The following BTAF1 variants were observed in gnomAD, a reference collection of about 807,000 sequenced individuals.
BTAF1 encodes the protein B-TFIID TATA-box binding protein associated factor 1.
BTAF1 carries 38 observed loss-of-function variants against 227.1 expected under a neutral mutation model. That is an observed-to-expected ratio of 0.17 (90% CI 0.13 to 0.22). The LOEUF is 0.22. BTAF1 is among the 10% of genes least tolerant of loss of function. BTAF1 has a pLI of 1.00. For missense variants in BTAF1, 1,598 were observed against 2,204.0 expected, an observed-to-expected ratio of 0.73 and a Z score of 5.51; for synonymous variants, 742 against 751.9, an observed-to-expected ratio of 0.99 and a Z score of 0.21.
chr10:91,991,598 A>T (rs1257763171), intron 20 of BTAF1, among the ~76,000 whole-genome samples: 3 of 151,000 alleles, frequency 2.0e-5, no homozygotes, highest in Non-Finnish European at 4.4e-5. Context: ...AAAAAATATA[A>T]AATTAGCTGG....
At chr10:91,971,809 C>A (rs1410720839) in intron 14 of BTAF1, among the ~76,000 whole-genome samples, 2 of 149,558 alleles carry the variant, frequency 1.3e-5, no homozygotes, top group Admixed American at 6.8e-5. Flanking sequence ...CTTAATACTA[C>A]CACCTATTTC....
intron 1 of BTAF1, among the ~76,000 whole-genome samples, chr10:91,927,765 T>C (rs1014816750): frequency 6.6e-6 from 1 of 152,226 alleles, no homozygotes; most frequent in Non-Finnish European, 1.5e-5. Context: ...TGAAAGCCTG[T>C]AACATATACT....
Position 92,016,400 on chromosome 10 carries a change from T to C in BTAF1, c.4645T>C (p.Ser1549Pro). 8.7e-6 allele frequency: 14 copies of C among 1,601,720 alleles called. No homozygotes were observed. Among genetic ancestry groups the C allele is most frequent in the Non-Finnish European group, 1.1e-5 (13 of 1,174,868 alleles). Residue 1549 changes from serine (S) to proline (P), a missense_variant, in exon 33 of 38, where the codon TCT becomes CCT. Physicochemically the swap from Ser to Pro is moderately conservative, Grantham distance 74. This residue lies in a region of BTAF1 where 205 missense variants were observed against 244.5 expected (regional missense o/e 0.84). Transcript: ENST00000265990. ...RAKCDVDETV[S>P]SATLSEETEK... is the part of the protein sequence containing the mutation. Reference sequence around the variant, plus strand: ...CAAGTGTGATGTTGATGAAACAGTTTCTTCAGCTACACTTTCTGAAGAAAC... The same window carrying C: ...CAAGTGTGATGTTGATGAAACAGTTCCTTCAGCTACACTTTCTGAAGAAAC...
chr10:92,005,430 A>G (rs1418789), intron 25 of BTAF1, among the ~76,000 whole-genome samples: 145,878 of 152,242 alleles, frequency 0.96, 70,234 homozygotes, highest in East Asian at 1. Flanking sequence ...AACAATATTA[A>G]TTCTTCCAGT....
intron 37 of BTAF1, 66 bp from the exon 38 acceptor site, chr10:92,028,724 G>T: frequency 6.9e-7 from 1 of 1,453,524 alleles, no homozygotes; most frequent in Admixed American, 2.5e-5. Flanking sequence ...TGATTTTAAA[G>T]GAAAATACAA....
At chr10:91,934,570 G>T (rs1844480282) in intron 1 of BTAF1, among the ~76,000 whole-genome samples, 1 of 152,084 alleles carries the variant, frequency 6.6e-6, no homozygotes, top group African/African-American at 2.4e-5. Flanking sequence ...TCACACTGCT[G>T]CCAGATTAAT....
Position 92,029,798 on chromosome 10 carries a change from C to T in BTAF1, c.*865C>T, listed in dbSNP as rs1173384075. ...GACTGTTTATTGTAGTAATGCATGG[C>T]TGAAGCATAAAAGGGAGAGAGAATT... is the stretch of plus-strand genomic sequence containing the variant. On this transcript the variant is annotated 3_prime_UTR_variant, in exon 38 of 38. Transcript: ENST00000265990. 6.6e-6 allele frequency: 1 copy of T among 152,268 alleles called. No individual in the cohort carries two copies. The highest frequency in any genetic ancestry group is 1.5e-5 in the Non-Finnish European group (1 of 67,912). 9.4% of individuals were successfully genotyped at this position (152,268 alleles called of 1,614,324 possible). A position where few individuals can be genotyped will look rare whatever the true frequency, so the allele number is the denominator to read the frequency against.
chr10:91,927,618 A>G (rs935963488), intron 1 of BTAF1, among the ~76,000 whole-genome samples: 1 of 152,196 alleles, frequency 6.6e-6, no homozygotes, highest in South Asian at 2.1e-4. Flanking sequence ...TGTTCAGTAC[A>G]TTTAAAAAAA....
chr10:91,992,436 G>A, intron 21 of BTAF1, 127 bp downstream of exon 21: 1 of 875,088 alleles, frequency 1.1e-6, no homozygotes, highest in East Asian at 2.7e-5. Flanking sequence ...AATTTTTGGA[G>A]TACTCCAACA....
chr10:92,010,191 G>GCA (rs1850202160), intron 28 of BTAF1, among the ~76,000 whole-genome samples: 1 of 152,106 alleles, frequency 6.6e-6, no homozygotes, highest in African/African-American at 2.4e-5. Context: ...GGAGTCTAAG[G>GCA]CATGGGGTCT....
At position 91,959,323 on chromosome 10, in the gene BTAF1, A is replaced by G. The variant is rs554733047; in HGVS notation, c.990+169A>G. The G allele has an allele frequency of 2.1e-5, 29 of 1,387,208 alleles. No individual in the cohort carries two copies. The South Asian group carries it at 3.7e-4, about 18-fold the overall frequency. 85.9% of individuals were successfully genotyped at this position (1,387,208 alleles called of 1,614,324 possible). ...TGGATTGAAAAGTAGAGTAAGATGA[A>G]TAAGAGGCTAGTTGAGAGGTCAGTG... On this transcript the variant is annotated intron_variant, in intron 9 of 37. Transcript: ENST00000265990.
chr10:91,926,236 A>G (rs1026036754), intron 1 of BTAF1, among the ~76,000 whole-genome samples: 26 of 152,354 alleles, frequency 1.7e-4, no homozygotes, highest in Non-Finnish European at 1.6e-4. Context: ...AAAATAGCCC[A>G]GGAGATAAAA....
At chr10:92,025,452 AAT>A (rs1253565881) in intron 35 of BTAF1, among the ~76,000 whole-genome samples, 5 of 151,734 alleles carry the variant, frequency 3.3e-5, no homozygotes, top group African/African-American at 1.2e-4. Flanking sequence ...TTAAAAAAAA[AAT>A]GCAGATTCCT....
At chr10:92,009,788 G>C (rs113545620) in intron 28 of BTAF1, among the ~76,000 whole-genome samples, 4 of 152,096 alleles carry the variant, frequency 2.6e-5, no homozygotes, top group African/African-American at 9.7e-5. Context: ...CTAAATTTTA[G>C]CATTGTTTCA....
Position 92,028,945 on chromosome 10 carries a change from T to C in BTAF1, c.*12T>C. The C allele has an allele frequency of 1.3e-6, 2 of 1,561,990 alleles. No individual in the cohort carries two copies. Among genetic ancestry groups the C allele is most frequent in the Non-Finnish European group, 1.7e-6 (2 of 1,157,134 alleles). ...ATTCTCTCAAGTAACTATCAAATAT[T>C]GTAAATGCAATTGCTGCTAGTTCAG... On this transcript the variant is annotated 3_prime_UTR_variant, in exon 38 of 38. Transcript: ENST00000265990.
intron 4 of BTAF1, among the ~76,000 whole-genome samples, chr10:91,950,157 G>GA (rs1845663738): frequency 8.6e-6 from 1 of 115,722 alleles, no homozygotes; most frequent in Non-Finnish European, 1.8e-5. Flanking sequence ...GTGGGGGGGG[G>GA]CGGGAAAGAA....
chr10:91,998,348 A>C (rs960759409), intron 25 of BTAF1, among the ~76,000 whole-genome samples: 1 of 152,224 alleles, frequency 6.6e-6, no homozygotes, highest in African/African-American at 2.4e-5. Flanking sequence ...ATGCTTTTCT[A>C]GAAATAGAAT....
chr10:91,943,690 T>G (rs1303704608), intron 4 of BTAF1, among the ~76,000 whole-genome samples: 1 of 152,196 alleles, frequency 6.6e-6, no homozygotes, highest in East Asian at 1.9e-4. Context: ...TTTCTAATAA[T>G]GGAGGTAAAA....
intron 25 of BTAF1, among the ~76,000 whole-genome samples, chr10:92,000,806 A>G (rs548823863): frequency 6.6e-6 from 1 of 152,282 alleles, no homozygotes; most frequent in Admixed American, 6.5e-5. Context: ...CGCCCACCTC[A>G]GCCTCTCAAA....
Sources: gnomAD v4.1 joint callset for allele counts (sites outside exome capture counted in the v4.1 genomes callset) on GRCh38, gnomAD v4.1.1 for gene constraint, gnomAD v4.1.1 regional missense constraint, MANE v1.5 for transcripts, NCBI Gene and HGNC (gene_info 2026-07-23, HGNC 2026-07-21) for gene names.